The following STXBP4 variants were observed in gnomAD, a reference collection of about 807,000 sequenced individuals.
STXBP4 encodes the protein syntaxin binding protein 4.
STXBP4 carries 55 observed loss-of-function variants against 76.1 expected under a neutral mutation model. That is an observed-to-expected ratio of 0.72 (90% CI 0.58 to 0.91). The LOEUF is 0.91. Ranked by LOEUF, STXBP4 falls within the 40% of genes least tolerant of loss-of-function variation. The probability of loss-of-function intolerance (pLI) is 0.00; values close to 1 mark genes in which losing one functional copy is unlikely to be tolerated. For missense variants in STXBP4, 618 were observed against 636.9 expected, an observed-to-expected ratio of 0.97 and a Z score of 0.32; for synonymous variants, 201 against 220.2, an observed-to-expected ratio of 0.91 and a Z score of 0.77.
At chr17:55,209,112 C>T in the STXBP4 span, among the ~76,000 whole-genome samples, 1 of 151,688 alleles carries the variant, frequency 6.6e-6, no homozygotes, top group African/African-American at 2.4e-5. Context: ...TTAAGTCTTA[C>T]ATTATAAAAG....
chr17:55,066,860 T>G (rs1246846098), intron 12 of STXBP4, among the ~76,000 whole-genome samples: 1 of 152,180 alleles, frequency 6.6e-6, no homozygotes, highest in Non-Finnish European at 1.5e-5. Flanking sequence ...CACTCCAGCC[T>G]AGGCAACACA....
intron 8 of STXBP4, among the ~76,000 whole-genome samples, chr17:55,025,567 A>T (rs1199760774): frequency 6.6e-6 from 1 of 152,184 alleles, no homozygotes; most frequent in African/African-American, 2.4e-5. Flanking sequence ...CACAAGAAAA[A>T]TATCTGAGAA....
Position 55,129,360 on chromosome 17 carries a change from A to G in STXBP4, c.1490-11950A>G, listed in dbSNP as rs184022455. Among the ~76,000 whole-genome samples, 20 of 152,270 alleles carry G rather than the reference A, an allele frequency of 1.3e-4. No homozygotes were observed. In the South Asian group the frequency reaches 3.1e-3, roughly 24 times the overall value. On this transcript the variant is annotated intron_variant, in intron 16 of 17. Transcript: ENST00000376352. Reference sequence around the variant, plus strand: ...ATTAACTGACCACAAGATGAAATAGAAAACTATTTTTTTAATGTTCCAGGT... The same window carrying G: ...ATTAACTGACCACAAGATGAAATAGGAAACTATTTTTTTAATGTTCCAGGT...
intron 3 of STXBP4, among the ~76,000 whole-genome samples, chr17:54,990,478 C>T (rs1378492929): frequency 6.6e-6 from 1 of 152,236 alleles, no homozygotes; most frequent in Non-Finnish European, 1.5e-5. Flanking sequence ...TGTCTCCCCT[C>T]ACCCCCAGAT....
chr17:55,189,748 G>A, the STXBP4 span, among the ~76,000 whole-genome samples: 1 of 152,202 alleles, frequency 6.6e-6, no homozygotes, highest in Non-Finnish European at 1.5e-5. Context: ...AAAAACAGAT[G>A]CTAGACGAAA....
At chr17:55,119,721 C>T (rs1222157090) in intron 16 of STXBP4, among the ~76,000 whole-genome samples, 1 of 152,070 alleles carries the variant, frequency 6.6e-6, no homozygotes, top group Non-Finnish European at 1.5e-5. Flanking sequence ...AGTAAATCTT[C>T]TACTGTATCT....
chr17:55,007,509 T>G lies in STXBP4; in HGVS notation c.578T>G (p.Val193Gly), dbSNP rs754259399. ...NSTVGLSNTD[V>G]ASAWTENYGL... ...TGTGCACCCTGTTGTCTCTTAGATGTTGCTTCTGCCTGGACTGAAAATTAT... is the reference window on the plus strand; with the variant it reads ...TGTGCACCCTGTTGTCTCTTAGATGGTGCTTCTGCCTGGACTGAAAATTAT... Residue 193 changes from valine (V) to glycine (G), a missense_variant, in exon 8 of 18, where the codon GTT becomes GGT. Physicochemically the swap from Val to Gly is moderately radical, Grantham distance 109. Transcript: ENST00000376352. 5.0e-6 allele frequency: 8 copies of G among 1,610,548 alleles called. No homozygotes were observed. The highest frequency in any genetic ancestry group is 6.8e-6 in the Non-Finnish European group (8 of 1,178,614).
At chr17:55,173,717 T>A (rs2080418129), downstream of STXBP4, 1 of 152,246 alleles carries the variant, frequency 6.6e-6, no homozygotes. Context: ...GTGATATATA[T>A]GTTTTCTATT....
At chr17:55,188,377 G>A in the STXBP4 span, among the ~76,000 whole-genome samples, 5 of 152,174 alleles carry the variant, frequency 3.3e-5, no homozygotes, top group Non-Finnish European at 1.5e-5. Context: ...CATATGGAGA[G>A]CCAGCATTTA....
chr17:55,176,823 C>A (rs76999247), downstream of STXBP4, among the ~76,000 whole-genome samples: 6,165 of 152,162 alleles, frequency 0.041, 353 homozygotes, highest in African/African-American at 0.14. Flanking sequence ...AAGGGAGAAT[C>A]CTCTCTCCCT....
At chr17:55,032,414 G>A (rs1209919093) in intron 9 of STXBP4, among the ~76,000 whole-genome samples, 2 of 152,116 alleles carry the variant, frequency 1.3e-5, no homozygotes, top group African/African-American at 2.4e-5. Flanking sequence ...AAGTAAATTT[G>A]TGAGCAGAGG....
chr17:54,996,510 T>C (rs1174377763), intron 4 of STXBP4, among the ~76,000 whole-genome samples: 1 of 152,138 alleles, frequency 6.6e-6, no homozygotes, highest in African/African-American at 2.4e-5. Flanking sequence ...ATGAAAATTG[T>C]CCACAACAGA....
At chr17:55,158,265 G>T (rs551648842) in intron 17 of STXBP4, among the ~76,000 whole-genome samples, 2 of 152,096 alleles carry the variant, frequency 1.3e-5, no homozygotes, top group African/African-American at 4.8e-5. Flanking sequence ...AAACTCTCGG[G>T]AACATACTTT....
intron 12 of STXBP4, among the ~76,000 whole-genome samples, chr17:55,048,127 C>A (rs1054374370): frequency 4.6e-5 from 7 of 151,784 alleles, no homozygotes; most frequent in Non-Finnish European, 8.9e-5. Flanking sequence ...TGAATGCAAT[C>A]AAAAATGGCA....
chr17:55,037,698 A>G (rs1215826763), intron 10 of STXBP4, among the ~76,000 whole-genome samples: 1 of 152,154 alleles, frequency 6.6e-6, no homozygotes, highest in African/African-American at 2.4e-5. Flanking sequence ...ATAAGAAAAC[A>G]TATTTTACAC....
intron 4 of STXBP4, among the ~76,000 whole-genome samples, chr17:54,992,116 G>T (rs1171394600): frequency 6.6e-6 from 1 of 151,998 alleles, no homozygotes; most frequent in Non-Finnish European, 1.5e-5. Flanking sequence ...TACTTTCCGA[G>T]TTCTAAGTGT....
chr17:54,978,214 T>G (rs1209287865), intron 1 of STXBP4, among the ~76,000 whole-genome samples: 1 of 152,246 alleles, frequency 6.6e-6, no homozygotes, highest in Non-Finnish European at 1.5e-5. Context: ...GATCATTTTA[T>G]GAATGATTTT....
the STXBP4 span, among the ~76,000 whole-genome samples, chr17:55,208,853 G>A: frequency 6.6e-6 from 1 of 151,980 alleles, no homozygotes; most frequent in Admixed American, 6.6e-5. Context: ...ATGCCAAGGC[G>A]AGTGAGTCAC....
chr17:55,134,578 G>A (rs1165733563), intron 16 of STXBP4, among the ~76,000 whole-genome samples: 1 of 152,016 alleles, frequency 6.6e-6, no homozygotes, highest in Non-Finnish European at 1.5e-5. Flanking sequence ...AAGAAGTTGG[G>A]CTGAGGAGAG....
Sources: gnomAD v4.1 joint callset for allele counts (sites outside exome capture counted in the v4.1 genomes callset) on GRCh38, gnomAD v4.1.1 for gene constraint, MANE v1.5 for transcripts, NCBI Gene and HGNC (gene_info 2026-07-23, HGNC 2026-07-21) for gene names.